The following CCNY variants were observed in gnomAD, a reference collection of about 807,000 sequenced individuals.
The protein encoded by CCNY is cyclin-Y.
In CCNY, 19 loss-of-function variants were observed where a neutral mutation model predicts 42.8. The ratio of observed to expected loss-of-function variants is 0.44; its 90% CI spans 0.31 to 0.65. CCNY has a LOEUF of 0.65. Ranked by LOEUF, CCNY falls within the 30% of genes least tolerant of loss-of-function variation. CCNY has a pLI of 0.07. For missense variants in CCNY, 370 were observed against 437.3 expected (o/e 0.85, Z 1.37); for synonymous variants, 165 against 162.7 (o/e 1.01, Z -0.11).
At chr10:35,336,472 C>G (rs1014232838), upstream of CCNY, 2 of 151,044 alleles carry the variant, frequency 1.3e-5, no homozygotes, top group African/African-American at 2.4e-5. Flanking sequence ...GGGGCTGCGG[C>G]GAGGGCGGGC....
rs113677002 is a variant in CCNY at position 35,411,934 on chromosome 10, C to A, written c.155-71470C>A. 8.2e-3 allele frequency among the ~76,000 whole-genome samples: 1,248 copies of A among 152,344 alleles called. 22 individuals carry two copies. Among genetic ancestry groups the A allele is most frequent in the African/African-American group, 0.029 (1,194 of 41,576 alleles). ...GGCTTTTCCTAACAAGCCTTAATTT[C>A]TTGCTCATATCATGGGAAGGTTGCA... On this transcript the variant is annotated intron_variant, in intron 1 of 9. Coordinates refer to ENST00000374704, the MANE Select transcript of CCNY (RefSeq NM_145012.6).
At position 35,565,972 on chromosome 10, in the gene CCNY, G is replaced by T. The variant is rs751731607; in HGVS notation, c.747-51G>T. The T allele has an allele frequency of 1.7e-5, 26 of 1,560,666 alleles. 1 individual carries two copies. In the South Asian group the frequency reaches 3.1e-4, roughly 18 times the overall value. ...CCAGCAACTTGCCTTGGCAGGCCAC[G>T]TGGCCTGGTGTGGCAGCTAAGCATA... On this transcript the variant is annotated intron_variant, in intron 8 of 9. Transcript: ENST00000374704.
chr10:35,346,294 G>T (rs1836300307), intron 1 of CCNY, among the ~76,000 whole-genome samples: 1 of 152,110 alleles, frequency 6.6e-6, no homozygotes, highest in African/African-American at 2.4e-5. Context: ...CTTGCTGTTG[G>T]CTCTGTGTGT....
At chr10:35,394,893 TGGAAA>T in intron 1 of CCNY, 2 of 977,168 alleles carry the variant, frequency 2.0e-6, no homozygotes, top group African/African-American at 3.5e-5. Context: ...GTCTGTGCCT[TGGAAA>T]ATTAAATGGG....
At chr10:35,507,664 T>C (rs1055470034) in intron 3 of CCNY, among the ~76,000 whole-genome samples, 3 of 152,254 alleles carry the variant, frequency 2.0e-5, no homozygotes, top group African/African-American at 7.2e-5. Context: ...TTCTGTGGTA[T>C]GGGTTTCACT....
intron 1 of CCNY, among the ~76,000 whole-genome samples, chr10:35,404,686 TCCAAACATGC>T (rs1837719663): frequency 6.6e-6 from 1 of 151,992 alleles, no homozygotes; most frequent in Non-Finnish European, 1.5e-5. Flanking sequence ...GGTGAAAGTA[TCCAAACATGC>T]CCAGGAAGGA....
intron 1 of CCNY, among the ~76,000 whole-genome samples, chr10:35,409,407 ACTGCAGC>A (rs1054904806): frequency 6.6e-6 from 1 of 152,184 alleles, no homozygotes; most frequent in Non-Finnish European, 1.5e-5. Context: ...GTGTGCTGCC[ACTGCAGC>A]TGCTGTCTGG....
At chr10:35,345,480 A>C (rs1836281893) in intron 1 of CCNY, among the ~76,000 whole-genome samples, 1 of 152,030 alleles carries the variant, frequency 6.6e-6, no homozygotes, top group South Asian at 2.1e-4. Context: ...AAAAAAAAAA[A>C]AAACTGACTC....
chr10:35,413,682 C>T (rs952283033), intron 1 of CCNY, among the ~76,000 whole-genome samples: 5 of 152,094 alleles, frequency 3.3e-5, no homozygotes, highest in African/African-American at 1.2e-4. Context: ...AGGTGATGTA[C>T]TGTGTGGAGG....
chr10:35,449,291 G>T (rs1428029819), intron 1 of CCNY, among the ~76,000 whole-genome samples: 1 of 130,608 alleles, frequency 7.7e-6, no homozygotes. Context: ...GGGCAGGGAG[G>T]GGGGTGAAGA....
intron 1 of CCNY, among the ~76,000 whole-genome samples, chr10:35,457,762 T>A (rs1234766559): frequency 6.6e-6 from 1 of 152,084 alleles, no homozygotes; most frequent in African/African-American, 2.4e-5. Context: ...TTTTTGTATT[T>A]TTAGTAGAAC....
intron 1 of CCNY, among the ~76,000 whole-genome samples, chr10:35,391,137 A>G (rs1053441291): frequency 6.6e-6 from 1 of 152,250 alleles, no homozygotes; most frequent in African/African-American, 2.4e-5. Context: ...CTTTCTGCAG[A>G]AAGGGTGCTC....
intron 1 of CCNY, among the ~76,000 whole-genome samples, chr10:35,454,412 C>T (rs764312297): frequency 9.9e-5 from 15 of 152,208 alleles, no homozygotes; most frequent in Non-Finnish European, 1.9e-4. Flanking sequence ...GGACTGTGAA[C>T]CCCCCACCAG....
In CCNY at chr10:35,255,227, G is replaced by A. The variant is rs112191135; in HGVS notation, c.-9+4601G>A. Among the ~76,000 whole-genome samples the A allele has an allele frequency of 3.3e-5, 5 of 152,082 alleles. 1 individual carries two copies. Among genetic ancestry groups the A allele is most frequent in the African/African-American group, 1.2e-4 (5 of 41,478 alleles). The stretch of plus-strand genomic sequence containing the variant: ...CAGTGGGGCATTAAAGTCTACAACT[G>A]TTATCCTAGAACTGTTTATTTCTCC... On this transcript the variant is annotated intron_variant, in intron 3 of 11. Coordinates refer to the CCNY transcript ENST00000374706.
intron 1 of CCNY, among the ~76,000 whole-genome samples, chr10:35,403,713 A>G (rs1038576500): frequency 6.6e-6 from 1 of 152,232 alleles, no homozygotes; most frequent in Non-Finnish European, 1.5e-5. Context: ...AAATATTGAC[A>G]CGTGGTCTCT....
chr10:35,441,133 G>A (rs1249377284), intron 1 of CCNY, among the ~76,000 whole-genome samples: 1 of 152,190 alleles, frequency 6.6e-6, no homozygotes, highest in Non-Finnish European at 1.5e-5. Flanking sequence ...TGTGGTATGA[G>A]GGTCAGGGAG....
chr10:35,410,140 A>G (rs778085291), intron 1 of CCNY, among the ~76,000 whole-genome samples: 1 of 152,250 alleles, frequency 6.6e-6, no homozygotes, highest in Non-Finnish European at 1.5e-5. Flanking sequence ...AGCCAGAGAC[A>G]GACACATGGT....
In CCNY at chr10:35,494,240, C is replaced by CG. The variant is rs1470827541; in HGVS notation, c.230-7261_230-7260insG. 3.5e-5 allele frequency among the ~76,000 whole-genome samples: 5 copies of CG among 143,450 alleles called. No individual in the cohort carries two copies. In the East Asian group the frequency reaches 6.2e-4, roughly 18 times the overall value. 94.1% of individuals were successfully genotyped at this position (143,450 alleles called of 152,430 possible). Reference sequence around the variant, plus strand: ...GCCTGGACAGCATAGTGAGACCCCCCCCCCCATTTCTACAAAAAAATAAAG... The same window carrying CG: ...GCCTGGACAGCATAGTGAGACCCCCCGCCCCCATTTCTACAAAAAAATAAAG... On this transcript the variant is annotated intron_variant, in intron 2 of 9. Coordinates refer to ENST00000374704, the MANE Select transcript of CCNY (RefSeq NM_145012.6).
At chr10:35,377,914 C>G (rs1315782976) in intron 1 of CCNY, among the ~76,000 whole-genome samples, 2 of 152,150 alleles carry the variant, frequency 1.3e-5, no homozygotes, top group Non-Finnish European at 2.9e-5. Context: ...GTCTTTTGTG[C>G]TATGTTGCTT....
Sources: gnomAD v4.1 joint callset for allele counts (sites outside exome capture counted in the v4.1 genomes callset) on GRCh38, gnomAD v4.1.1 for gene constraint, MANE v1.5 for transcripts, NCBI Gene and HGNC (gene_info 2026-07-23, HGNC 2026-07-21) for gene names.